RABGAP1: variants seen among roughly 807,000 people sequenced by gnomAD.
RABGAP1 encodes the protein rab GTPase-activating protein 1.
RABGAP1 carries 23 observed loss-of-function variants against 137.6 expected under a neutral mutation model. The observed-to-expected ratio is 0.17, with a 90% CI of 0.12 to 0.24. The LOEUF (loss-of-function observed/expected upper bound fraction) is 0.24. Among genes scored for constraint, RABGAP1 ranks in the 10% least tolerant of loss-of-function variants. The pLI, the probability that RABGAP1 is intolerant of heterozygous loss-of-function variation, is 1.00. For missense variants in RABGAP1, 906 were observed against 1,275.8 expected, an observed-to-expected ratio of 0.71 and a Z score of 4.42; for synonymous variants, 451 against 450.7, an observed-to-expected ratio of 1.00 and a Z score of -0.01.
intron 2 of RABGAP1, among the ~76,000 whole-genome samples, chr9:122,982,473 C>T (rs1836121805): frequency 6.6e-6 from 1 of 152,194 alleles, no homozygotes; most frequent in African/African-American, 2.4e-5. Context: ...TACTTCACAG[C>T]ATGTAATATG....
chr9:122,988,848 C>A (rs930629901), intron 4 of RABGAP1, among the ~76,000 whole-genome samples: 1 of 150,378 alleles, frequency 6.6e-6, no homozygotes. Context: ...GAGGCTGAGG[C>A]AGGAGAATCA....
rs533520682 is a variant in RABGAP1 at position 122,989,657 on chromosome 9, T to C, written c.765+186T>C. 15 of 647,496 alleles carry C rather than the reference T, an allele frequency of 2.3e-5. No homozygotes were observed. The South Asian group carries it at 2.9e-4, about 12-fold the overall frequency. 40.1% of individuals were successfully genotyped at this position (647,496 alleles called of 1,614,324 possible). On this transcript the variant is annotated intron_variant, in intron 5 of 25. Coordinates refer to ENST00000373647, the MANE Select transcript of RABGAP1 (RefSeq NM_012197.4). ...AAAAATTTGATTAACTAGAACTTTG[T>C]TACTACTACTAAGAATGTCAGAGGA...
chr9:122,997,207 CTGT>C (rs1362021271), intron 8 of RABGAP1, 49 bp from the exon 9 acceptor site: 17 of 1,389,140 alleles, frequency 1.2e-5, no homozygotes, highest in African/African-American at 2.9e-5. Flanking sequence ...TGGGGGTTAA[CTGT>C]TGTTCACTCA....
intron 19 of RABGAP1, among the ~76,000 whole-genome samples, chr9:123,080,383 C>T (rs1311185510): frequency 6.6e-6 from 1 of 152,186 alleles, no homozygotes; most frequent in African/African-American, 2.4e-5. Flanking sequence ...TTGAAATCGG[C>T]TCATAGCCTG....
intron 12 of RABGAP1, among the ~76,000 whole-genome samples, chr9:123,017,249 G>A (rs1459183361): frequency 2.0e-5 from 3 of 152,090 alleles, no homozygotes; most frequent in African/African-American, 4.8e-5. Context: ...TGTAGATATA[G>A]CATTAAGACT....
intron 14 of RABGAP1, among the ~76,000 whole-genome samples, chr9:123,065,983 T>G (rs1446646023): frequency 6.6e-6 from 1 of 152,214 alleles, no homozygotes. Flanking sequence ...TCAAATAGAT[T>G]TGGCACATTA....
At chr9:122,938,718 C>G (rs1051909366), upstream of RABGAP1, 1 of 151,960 alleles carries the variant, frequency 6.6e-6, no homozygotes, top group Non-Finnish European at 1.5e-5. Context: ...AGATTCATAA[C>G]GTTGTATGTA....
At chr9:122,932,801 G>C in the RABGAP1 span, among the ~76,000 whole-genome samples, 47 of 152,240 alleles carry the variant, frequency 3.1e-4, no homozygotes, top group African/African-American at 1.0e-3. Context: ...CAAAGTGCTG[G>C]GATTACAGGT....
At chr9:122,997,157 C>T (rs1271952379) in intron 8 of RABGAP1, 102 bp from the exon 9 acceptor site, 3 of 778,426 alleles carry the variant, frequency 3.9e-6, no homozygotes, top group Non-Finnish European at 6.3e-6. Flanking sequence ...CTTCCATATT[C>T]TTATATTTTT....
chr9:123,098,409 T>C (rs1253485286), intron 22 of RABGAP1, among the ~76,000 whole-genome samples: 1 of 152,222 alleles, frequency 6.6e-6, no homozygotes, highest in East Asian at 1.9e-4. Flanking sequence ...TATGAGCTCT[T>C]TGGTTTGTGT....
At chr9:123,080,765 G>A (rs947426358) in intron 19 of RABGAP1, among the ~76,000 whole-genome samples, 26 of 152,052 alleles carry the variant, frequency 1.7e-4, no homozygotes, top group Admixed American at 1.4e-3. Context: ...TTTTTCATGT[G>A]GAATTTACAA....
At position 123,103,571 on chromosome 9, in the gene RABGAP1, C is replaced by CTT. The variant is rs548218409; in HGVS notation, c.*367_*368dup. On this transcript the variant is annotated 3_prime_UTR_variant, in exon 26 of 26. Transcript: ENST00000373647. Reference sequence around the variant, plus strand: ...CAGTCTGTTGATTTTTTTTCTAAACCTTTTTTTTTTAATATACATATATAT... The same window carrying CTT: ...CAGTCTGTTGATTTTTTTTCTAAACCTTTTTTTTTTTTAATATACATATATAT... 2.4e-5 allele frequency: 2 copies of CTT among 84,436 alleles called. No homozygotes were observed. The highest frequency in any genetic ancestry group is 4.5e-4 in the South Asian group (1 of 2,210). 5.2% of individuals were successfully genotyped at this position (84,436 alleles called of 1,614,324 possible).
intron 11 of RABGAP1, among the ~76,000 whole-genome samples, chr9:123,014,891 A>G (rs748058312): frequency 2.0e-5 from 3 of 152,114 alleles, no homozygotes; most frequent in Non-Finnish European, 2.9e-5. Context: ...AGCAGGGGAA[A>G]TGCCAGATGC....
At chr9:123,004,102 C>T (rs1411288729) in intron 10 of RABGAP1, among the ~76,000 whole-genome samples, 2 of 152,152 alleles carry the variant, frequency 1.3e-5, no homozygotes, top group Non-Finnish European at 2.9e-5. Context: ...CAAATGCTTT[C>T]CATTCCACTG....
chr9:122,992,774 T>TA (rs1836806372), intron 6 of RABGAP1, among the ~76,000 whole-genome samples: 2 of 148,626 alleles, frequency 1.3e-5, no homozygotes, highest in Non-Finnish European at 1.5e-5. Context: ...ATAAAACCTA[T>TA]TATATACTTA....
intron 12 of RABGAP1, 74 bp from the exon 13 acceptor site, chr9:123,020,235 C>T: frequency 7.8e-7 from 1 of 1,275,686 alleles, no homozygotes; most frequent in South Asian, 2.3e-5. Flanking sequence ...TTTAAATTGA[C>T]TTTGATAAAA....
At chr9:123,007,234 C>T (rs749963507) in intron 10 of RABGAP1, among the ~76,000 whole-genome samples, 1 of 151,700 alleles carries the variant, frequency 6.6e-6, no homozygotes, top group Non-Finnish European at 1.5e-5. Flanking sequence ...CTGCCAGGCC[C>T]AGCTAATTTT....
chr9:123,001,070 G>A (rs1247412078), intron 10 of RABGAP1, among the ~76,000 whole-genome samples: 1 of 151,426 alleles, frequency 6.6e-6, no homozygotes, highest in Non-Finnish European at 1.5e-5. Flanking sequence ...GGCTGGTCTC[G>A]AACTCCTGAC....
intron 19 of RABGAP1, among the ~76,000 whole-genome samples, chr9:123,087,188 G>C (rs1045931915): frequency 1.3e-5 from 2 of 152,076 alleles, no homozygotes; most frequent in Admixed American, 6.6e-5. Flanking sequence ...CTATAATAAG[G>C]GTTAATGAAA....
Sources: gnomAD v4.1 joint callset for allele counts (sites outside exome capture counted in the v4.1 genomes callset) on GRCh38, gnomAD v4.1.1 for gene constraint, MANE v1.5 for transcripts, NCBI Gene and HGNC (gene_info 2026-07-23, HGNC 2026-07-21) for gene names.